Variants in KDM4C observed in about 807,000 individuals in gnomAD.
The protein encoded by KDM4C is lysine-specific demethylase 4C.
Under a neutral mutation model 129.3 loss-of-function variants are expected in KDM4C, and 81 were observed. That is an observed-to-expected ratio of 0.63 (90% CI 0.52 to 0.75). KDM4C has a LOEUF of 0.75. Ranked by LOEUF, KDM4C falls within the 30% of genes least tolerant of loss-of-function variation. The pLI is 0.00. For missense variants in KDM4C, 1,457 were observed against 1,304.0 expected, an observed-to-expected ratio of 1.12 and a Z score of -1.81; for synonymous variants, 573 against 456.1, an observed-to-expected ratio of 1.26 and a Z score of -3.26.
chr9:6,800,017 G>A (rs1487936773), intron 2 of KDM4C, among the ~76,000 whole-genome samples: 1 of 151,582 alleles, frequency 6.6e-6, no homozygotes, highest in African/African-American at 2.4e-5. Flanking sequence ...GAGCCCATGA[G>A]TTCGAGACCA....
chr9:7,168,011 G>T (rs910541425), intron 20 of KDM4C, among the ~76,000 whole-genome samples: 2 of 151,504 alleles, frequency 1.3e-5, no homozygotes, highest in Non-Finnish European at 2.9e-5. Context: ...GTGCAACCCC[G>T]TCTCTACTAA....
At chr9:7,085,439 C>G (rs1237206692) in intron 17 of KDM4C, among the ~76,000 whole-genome samples, 3 of 152,100 alleles carry the variant, frequency 2.0e-5, no homozygotes, top group African/African-American at 7.2e-5. Flanking sequence ...CTATGAGGAA[C>G]AACAAAGAGG....
chr9:6,925,380 A>G lies in KDM4C; in HGVS notation c.921+32148A>G, dbSNP rs1171857146. On this transcript the variant is annotated intron_variant, in intron 8 of 21. Coordinates refer to ENST00000381309, the MANE Select transcript of KDM4C (RefSeq NM_015061.6). ...CGAAGAGAAGCTCAGTTCTCTTTGT[A>G]AATTAAAAGCTTTTTTTCTTTCCTT... 4.1e-6 allele frequency: 4 copies of G among 985,068 alleles called. No individual in the cohort carries two copies. In the African/African-American group the frequency reaches 5.2e-5, roughly 13 times the overall value. 61.0% of individuals were successfully genotyped at this position (985,068 alleles called of 1,614,324 possible). A position where few individuals can be genotyped will look rare whatever the true frequency, so the allele number is the denominator to read the frequency against.
chr9:6,921,945 C>G (rs1482873894), intron 8 of KDM4C, among the ~76,000 whole-genome samples: 1 of 152,182 alleles, frequency 6.6e-6, no homozygotes, highest in African/African-American at 2.4e-5. Context: ...CCTCCCTTCT[C>G]TGAAGTATTG....
At chr9:6,883,405 T>G (rs925095701) in intron 6 of KDM4C, among the ~76,000 whole-genome samples, 4 of 152,206 alleles carry the variant, frequency 2.6e-5, no homozygotes, top group East Asian at 1.9e-4. Flanking sequence ...GAGATCAATG[T>G]GTGGTGCGTC....
intron 8 of KDM4C, among the ~76,000 whole-genome samples, chr9:6,926,169 G>A (rs749310693): frequency 6.6e-6 from 1 of 151,926 alleles, no homozygotes; most frequent in South Asian, 2.1e-4. Flanking sequence ...CCAGTTTGGC[G>A]TCAAGGGGCT....
At chr9:6,876,245 T>G (rs1355374074) in intron 5 of KDM4C, among the ~76,000 whole-genome samples, 1 of 152,206 alleles carries the variant, frequency 6.6e-6, no homozygotes, top group Non-Finnish European at 1.5e-5. Context: ...CATTTACCCT[T>G]GATCTTAGCC....
At chr9:7,051,859 G>A (rs7019042) in intron 17 of KDM4C, among the ~76,000 whole-genome samples, 78,063 of 151,932 alleles carry the variant, frequency 0.51, 21,424 homozygotes, top group Non-Finnish European at 0.62. Context: ...CACAGTTTTT[G>A]TTCTGTCAAC....
chr9:7,045,716 T>C (rs1278899642), intron 15 of KDM4C, among the ~76,000 whole-genome samples: 1 of 152,072 alleles, frequency 6.6e-6, no homozygotes, highest in Non-Finnish European at 1.5e-5. Flanking sequence ...AATTTTCATA[T>C]AGATTTACAG....
At chr9:6,813,406 A>G (rs1396316083) in intron 3 of KDM4C, among the ~76,000 whole-genome samples, 2 of 152,184 alleles carry the variant, frequency 1.3e-5, no homozygotes, top group Admixed American at 1.3e-4. Flanking sequence ...TATGTTTTAA[A>G]TACAGTTGTT....
chr9:6,744,133 A>G (rs1817798050), intron 1 of KDM4C, among the ~76,000 whole-genome samples: 1 of 152,022 alleles, frequency 6.6e-6, no homozygotes, highest in African/African-American at 2.4e-5. Flanking sequence ...GGGGAGGCAG[A>G]CTGACTTCTG....
intron 4 of KDM4C, among the ~76,000 whole-genome samples, chr9:6,833,788 G>C (rs1216178912): frequency 1.3e-5 from 2 of 152,198 alleles, no homozygotes; most frequent in Non-Finnish European, 2.9e-5. Flanking sequence ...TTATTCACTA[G>C]CTGATTCTGA....
At chr9:7,148,759 G>C (rs1339374838) in intron 19 of KDM4C, among the ~76,000 whole-genome samples, 1 of 152,214 alleles carries the variant, frequency 6.6e-6, no homozygotes, top group Non-Finnish European at 1.5e-5. Flanking sequence ...GACCTGAAGT[G>C]GGTAGCTCCT....
intron 4 of KDM4C, among the ~76,000 whole-genome samples, chr9:6,823,955 G>C (rs575387418): frequency 6.6e-6 from 1 of 152,184 alleles, no homozygotes; most frequent in Non-Finnish European, 1.5e-5. Context: ...ATGGGAAGAT[G>C]ACAGCAGTAA....
intron 1 of KDM4C, among the ~76,000 whole-genome samples, chr9:6,730,830 C>G (rs1265593599): frequency 6.6e-6 from 1 of 152,094 alleles, no homozygotes; most frequent in Non-Finnish European, 1.5e-5. Context: ...CTTATTTGAA[C>G]AGTTTGAACA....
intron 17 of KDM4C, among the ~76,000 whole-genome samples, chr9:7,085,340 T>A (rs1313485107): frequency 6.6e-6 from 1 of 152,216 alleles, no homozygotes; most frequent in Non-Finnish European, 1.5e-5. Flanking sequence ...ATTCTAAGAT[T>A]TTTCTTGCTT....
At chr9:7,007,847 G>T (rs574214966) in intron 12 of KDM4C, among the ~76,000 whole-genome samples, 8 of 152,100 alleles carry the variant, frequency 5.3e-5, no homozygotes, top group Admixed American at 5.2e-4. Flanking sequence ...TTTACATAAA[G>T]TTACATTTAT....
At chr9:6,860,722 C>T (rs894482403) in intron 5 of KDM4C, among the ~76,000 whole-genome samples, 2 of 152,172 alleles carry the variant, frequency 1.3e-5, no homozygotes, top group African/African-American at 4.8e-5. Context: ...TGCAGTAGTA[C>T]AGAGCAAATA....
chr9:7,078,425 G>C (rs780007015), intron 17 of KDM4C, among the ~76,000 whole-genome samples: 2 of 151,362 alleles, frequency 1.3e-5, no homozygotes, highest in African/African-American at 4.8e-5. Context: ...AGAGCCTCTG[G>C]GTTTTCTTTT....
Sources: gnomAD v4.1 joint callset for allele counts (sites outside exome capture counted in the v4.1 genomes callset) on GRCh38, gnomAD v4.1.1 for gene constraint, MANE v1.5 for transcripts, NCBI Gene and HGNC (gene_info 2026-07-23, HGNC 2026-07-21) for gene names.